DOP1B: variants seen among roughly 807,000 people sequenced by gnomAD.
The protein encoded by DOP1B is DOP1 leucine zipper like protein B, also known as protein DOP1B.
A neutral mutation model predicts 233.5 loss-of-function variants in DOP1B; 174 were observed. The observed-to-expected ratio is 0.75, with a 90% CI of 0.66 to 0.85. DOP1B has a LOEUF of 0.85. Among genes scored for constraint, DOP1B ranks in the 40% least tolerant of loss-of-function variants. The pLI is 0.00. For synonymous variants in DOP1B, 1,190 were observed against 1,185.6 expected (o/e 1.00, Z -0.08); for missense variants, 2,652 against 2,846.6 (o/e 0.93, Z 1.56).
chr21:36,207,496 TTTG>T lies in DOP1B; in HGVS notation c.492-1216_492-1214del, dbSNP rs1369739732. On this transcript the variant is annotated intron_variant, in intron 4 of 36. Coordinates refer to ENST00000691173, the MANE Select transcript of DOP1B (RefSeq NM_001320714.2). ...CACCACGCCCAGCCAAACAGTTTTT[TTTG>T]TTTTTTTTTTTTTTTTTTTTGAGGG... Among the ~76,000 whole-genome samples the T allele has an allele frequency of 1.8e-4, 18 of 101,858 alleles. 2 individuals are homozygous for T. The highest frequency in any genetic ancestry group is 6.2e-4 in the African/African-American group (13 of 20,822). 66.8% of individuals were successfully genotyped at this position (101,858 alleles called of 152,430 possible). A position where few individuals can be genotyped will look rare whatever the true frequency, so the allele number is the denominator to read the frequency against.
intron 12 of DOP1B, among the ~76,000 whole-genome samples, chr21:36,226,134 C>G (rs149413101): frequency 6.6e-6 from 1 of 152,178 alleles, no homozygotes; most frequent in Non-Finnish European, 1.5e-5. Context: ...AATACCGAGC[C>G]TAGCTCTGTG....
Position 36,164,845 on chromosome 21 carries a change from A to C in DOP1B, c.112A>C (p.Ile38Leu), listed in dbSNP as rs776874299. Residue 38 changes from isoleucine to leucine, a missense_variant, in exon 2 of 37, where the codon ATA (isoleucine) becomes CTA (leucine). Coordinates refer to ENST00000691173, the MANE Select transcript of DOP1B (RefSeq NM_001320714.2). ...GTCCTCGAGTGAATGGGCGGATCTC[A>C]TATCTTCACTTGGCAAACTCAACAA... ...FESSSEWADL[I>L]SSLGKLNKAL... The C allele has an allele frequency of 6.2e-7, 1 of 1,610,866 alleles. No homozygotes were observed. The highest frequency in any genetic ancestry group is 1.7e-5 in the Admixed American group (1 of 59,400).
At chr21:36,251,367 T>C (rs2067031380) in intron 22 of DOP1B, 83 bp downstream of exon 22, 13 of 1,516,922 alleles carry the variant, frequency 8.6e-6, no homozygotes, top group South Asian at 6.4e-5. Context: ...AAAGGTGACA[T>C]TGGAAGCCAG....
chr21:36,226,001 A>G (rs531552070), intron 12 of DOP1B, among the ~76,000 whole-genome samples: 5 of 152,292 alleles, frequency 3.3e-5, no homozygotes, highest in Admixed American at 2.0e-4. Flanking sequence ...GCTGTTGGCT[A>G]ATTTTCTCAA....
intron 10 of DOP1B, 47 bp downstream of exon 10, chr21:36,219,539 A>T: frequency 6.3e-7 from 1 of 1,589,602 alleles, no homozygotes; most frequent in Admixed American, 1.8e-5. Flanking sequence ...CCTCCCCGGT[A>T]CTGTGATTTT....
At chr21:36,186,606 T>C (rs1315316346) in intron 2 of DOP1B, among the ~76,000 whole-genome samples, 1 of 152,152 alleles carries the variant, frequency 6.6e-6, no homozygotes, top group African/African-American at 2.4e-5. Flanking sequence ...GGTGATGGTA[T>C]ATTTTTGGTC....
chr21:36,261,420 G>A (rs2067170302), intron 24 of DOP1B: 2 of 990,414 alleles, frequency 2.0e-6, no homozygotes, highest in Non-Finnish European at 1.2e-6. Flanking sequence ...TTCTCAGTGT[G>A]CCTTCCCATG....
intron 2 of DOP1B, among the ~76,000 whole-genome samples, chr21:36,165,593 C>T (rs140052810): frequency 2.1e-3 from 317 of 152,176 alleles, no homozygotes; most frequent in African/African-American, 7.3e-3. Context: ...GCGGTGCGAG[C>T]GAGCATTACT....
In DOP1B at chr21:36,245,329, T is replaced by A; in HGVS notation, c.3349T>A (p.Ser1117Thr). The change falls in exon 19 of 37, where the codon TCC becomes ACC. Residue 1117 changes from serine to threonine, a missense_variant. Physicochemically the swap from Ser to Thr is moderately conservative, Grantham distance 58. Coordinates refer to ENST00000691173, the MANE Select transcript of DOP1B (RefSeq NM_001320714.2). This position sits in a 1 kb window ranked among gnomAD's most constrained non-coding sequence, Gnocchi z 5.5. ...GCACACCGAGTCTGCAGATACAAGC[T>A]CCTGCCACACGGACAGCGAGAACAC... is the stretch of plus-strand genomic sequence containing the variant. Reference protein sequence around the residue: ...SEHTESADTSSCHTDSENTSS... With the variant: ...SEHTESADTSTCHTDSENTSS... 2 of 1,613,988 alleles carry A rather than the reference T, an allele frequency of 1.2e-6. No individual in the cohort carries two copies. Among genetic ancestry groups the A allele is most frequent in the Non-Finnish European group, 1.7e-6 (2 of 1,180,018 alleles).
intron 2 of DOP1B, among the ~76,000 whole-genome samples, chr21:36,173,548 A>G (rs1464387894): frequency 6.6e-6 from 1 of 151,418 alleles, no homozygotes; most frequent in African/African-American, 2.4e-5. Context: ...CAGCCTCCCG[A>G]GTAGCTGGGA....
chr21:36,192,749 A>G (rs1345040068), intron 2 of DOP1B, among the ~76,000 whole-genome samples: 1 of 150,394 alleles, frequency 6.6e-6, no homozygotes, highest in South Asian at 2.1e-4. Context: ...GTGCAGTGGC[A>G]CGATCTCGGC....
intron 3 of DOP1B, among the ~76,000 whole-genome samples, chr21:36,199,720 A>C (rs1438533506): frequency 6.6e-6 from 1 of 152,070 alleles, no homozygotes; most frequent in African/African-American, 2.4e-5. Flanking sequence ...GTTTGCTGAG[A>C]ATGATGGTTT....
Position 36,225,671 on chromosome 21 carries a change from A to C in DOP1B, c.1473+4A>C, listed in dbSNP as rs1254483818. 6.2e-7 allele frequency: 1 copy of C among 1,613,920 alleles called. No individual in the cohort carries two copies. The highest frequency in any genetic ancestry group is 1.3e-5 in the African/African-American group (1 of 74,974). ...CCTGCTGGATGTCATTCCTTTGGTG[A>C]GTGCTGGGGAAGGGACATCTCAACG... is the stretch of plus-strand genomic sequence containing the variant. On this transcript the variant is annotated splice_donor_region_variant and intron_variant, in intron 12 of 36. Transcript: ENST00000691173.
intron 2 of DOP1B, among the ~76,000 whole-genome samples, chr21:36,195,506 T>A (rs1337298784): frequency 6.6e-6 from 1 of 152,038 alleles, no homozygotes; most frequent in Non-Finnish European, 1.5e-5. Flanking sequence ...TGCATTCCAG[T>A]CTGGGTGACA....
At chr21:36,217,123 T>C (rs1241078885) in intron 9 of DOP1B, among the ~76,000 whole-genome samples, 1 of 149,736 alleles carries the variant, frequency 6.7e-6, no homozygotes, top group Admixed American at 6.6e-5. Context: ...TGAAGTGGCC[T>C]CTCTCTGGCC....
At chr21:36,188,011 G>GA (rs946533199) in intron 2 of DOP1B, among the ~76,000 whole-genome samples, 44 of 150,446 alleles carry the variant, frequency 2.9e-4, no homozygotes, top group Non-Finnish European at 4.3e-4. Context: ...ATTTTAAAAG[G>GA]AAAAAAAAAG....
At chr21:36,205,519 G>A (rs1189918827) in intron 4 of DOP1B, among the ~76,000 whole-genome samples, 1 of 152,070 alleles carries the variant, frequency 6.6e-6, no homozygotes, top group Non-Finnish European at 1.5e-5. Context: ...CTCACGAGAA[G>A]CTGGGATTAC....
At position 36,230,627 on chromosome 21, in the gene DOP1B, G is replaced by A. The variant is rs936173872; in HGVS notation, c.1843G>A (p.Asp615Asn). 15 of 1,614,068 alleles carry A rather than the reference G, an allele frequency of 9.3e-6. No homozygotes were observed. Among genetic ancestry groups the A allele is most frequent in the Admixed American group, 3.3e-5 (2 of 59,986 alleles). The change falls in exon 14 of 37, where the codon GAC becomes AAC. Residue 615 changes from aspartate to asparagine, a missense_variant. Asp to Asn is a conservative substitution (Grantham distance 23, BLOSUM62 1). Coordinates refer to ENST00000691173, the MANE Select transcript of DOP1B (RefSeq NM_001320714.2). The stretch of plus-strand genomic sequence containing the variant: ...TCCTCGAGTTTCTCTGGAAAGGGAC[G>A]ACGTTTGGAAGAAGGGCGGGAGCAT... ...RVPRVSLERDDVWKKGGSMQR... is the reference protein window; with the variant it reads ...RVPRVSLERDNVWKKGGSMQR...
intron 15 of DOP1B, among the ~76,000 whole-genome samples, chr21:36,236,194 C>T (rs1188837193): frequency 6.6e-6 from 1 of 152,208 alleles, no homozygotes; most frequent in Non-Finnish European, 1.5e-5. Flanking sequence ...TGGGTCTCAC[C>T]CTTGTTGGGG....
Sources: allele counts gnomAD v4.1 joint callset (sites outside exome capture counted in the v4.1 genomes callset), GRCh38; gene constraint gnomAD v4.1.1; non-coding constraint Gnocchi (gnomAD v3.1); transcripts MANE v1.5; gene names NCBI Gene and HGNC (gene_info 2026-07-23, HGNC 2026-07-21).